The following SERINC1 variants were observed in gnomAD, a reference collection of about 807,000 sequenced individuals.
SERINC1 encodes tumor differentially expressed protein 2.
In SERINC1, 38 loss-of-function variants were observed where a neutral mutation model predicts 52.9. The observed-to-expected ratio is 0.72, with a 90% confidence interval of 0.55 to 0.94. The LOEUF (loss-of-function observed/expected upper bound fraction) is 0.94, where lower values mean the gene tolerates loss of function less well. Among genes scored for constraint, SERINC1 ranks in the 40% least tolerant of loss-of-function variants. SERINC1 has a pLI of 0.00. For missense variants in SERINC1, 471 were observed against 533.9 expected, an observed-to-expected ratio of 0.88 and a Z score of 1.16; for synonymous variants, 198 against 183.1, an observed-to-expected ratio of 1.08 and a Z score of -0.66.
chr6:122,465,073 A>G (rs944435003), intron 1 of SERINC1, among the ~76,000 whole-genome samples: 3 of 152,220 alleles, frequency 2.0e-5, no homozygotes, highest in Admixed American at 2.0e-4. Context: ...AAAGTCAAAA[A>G]GAACTAGATC....
intron 1 of SERINC1, among the ~76,000 whole-genome samples, chr6:122,471,106 T>C (rs1468524889): frequency 6.6e-6 from 1 of 151,314 alleles, no homozygotes; most frequent in Non-Finnish European, 1.5e-5. Context: ...AAATCTGAAA[T>C]TGACACTTCA....
intron 1 of SERINC1, among the ~76,000 whole-genome samples, chr6:122,468,472 G>C (rs558623595): frequency 6.6e-6 from 1 of 152,240 alleles, no homozygotes; most frequent in Non-Finnish European, 1.5e-5. Context: ...CACTGCTATG[G>C]AAACACCTCC....
In SERINC1 at chr6:122,451,776, A is replaced by AAAAAAAAAAAAATATAT; in HGVS notation, c.760-23_760-22insATATATTTTTTTTTTTT. On this transcript the variant is annotated intron_variant, in intron 6 of 9. Coordinates refer to ENST00000339697, the MANE Select transcript of SERINC1 (RefSeq NM_020755.4). ...ATTCCTACAAAAAAAAAAAAAAAAA[A>AAAAAAAAAAAAATATAT]ATATATATATATATATATAGCAACA... is the stretch of plus-strand genomic sequence containing the variant. 59 of 113,026 alleles carry AAAAAAAAAAAAATATAT rather than the reference A, an allele frequency of 5.2e-4. 4 individuals are homozygous for AAAAAAAAAAAAATATAT. Among genetic ancestry groups the AAAAAAAAAAAAATATAT allele is most frequent in the East Asian group, 1.7e-3 (5 of 2,972 alleles). The allele number at this position is 113,026 out of a possible 1,614,324, so 7.0% of individuals were successfully genotyped here.
chr6:122,452,270 T>C (rs1280513257), intron 5 of SERINC1, among the ~76,000 whole-genome samples: 1 of 152,200 alleles, frequency 6.6e-6, no homozygotes, highest in Non-Finnish European at 1.5e-5. Context: ...ATAGCTATTA[T>C]GTATTTGCAA....
chr6:122,467,931 CAAAT>C (rs1775214696), intron 1 of SERINC1, among the ~76,000 whole-genome samples: 1 of 151,944 alleles, frequency 6.6e-6, no homozygotes, highest in Non-Finnish European at 1.5e-5. Context: ...ATGTCTAAAA[CAAAT>C]AAACAAAATC....
Position 122,445,070 on chromosome 6 carries a change from C to A in SERINC1, c.1336G>T (p.Val446Phe), listed in dbSNP as rs1199778322. 1.2e-6 allele frequency: 2 copies of A among 1,613,436 alleles called. No individual in the cohort carries two copies. The highest frequency in any genetic ancestry group is 1.3e-5 in the African/African-American group (1 of 74,908). The change falls in exon 10 of 10, where the codon GTT becomes TTT. Residue 446 changes from valine to phenylalanine, a missense_variant. Val to Phe is a conservative substitution (Grantham distance 50). Transcript: ENST00000339697. Reference sequence around the variant, plus strand: ...CAGTCAAAATCACGATTTGTAAGAACAAGTGGTGCCACGAGTGTCCAAACA... The same window carrying A: ...CAGTCAAAATCACGATTTGTAAGAAAAAGTGGTGCCACGAGTGTCCAAACA... ...LYVWTLVAPLVLTNRDFD is the reference protein window; with the variant it reads ...LYVWTLVAPLFLTNRDFD
At chr6:122,461,357 AG>A (rs1375289022) in intron 1 of SERINC1, among the ~76,000 whole-genome samples, 1 of 152,188 alleles carries the variant, frequency 6.6e-6, no homozygotes, top group African/African-American at 2.4e-5. Flanking sequence ...TCACACTTCT[AG>A]TAAGAAACGG....
At position 122,446,934 on chromosome 6, in the gene SERINC1, C is replaced by T; in HGVS notation, c.1066G>A (p.Asp356Asn). Residue 356 changes from aspartate to asparagine, a missense_variant, in exon 9 of 10, where the codon GAT (aspartate) becomes AAT (asparagine). Asp to Asn is a conservative substitution (Grantham distance 23). Coordinates refer to ENST00000339697, the MANE Select transcript of SERINC1 (RefSeq NM_020755.4). ...GATCCATCACTTCTAGCTCCACCAT[C>T]TTCTATTAATGTAGATTCATCACTT... is the stretch of plus-strand genomic sequence containing the variant. ...LTSDESTLIEDGGARSDGSLE... is the reference protein window; with the variant it reads ...LTSDESTLIENGGARSDGSLE... 1 of 1,613,686 alleles carries T rather than the reference C, an allele frequency of 6.2e-7. No individual in the cohort carries two copies.
intron 1 of SERINC1, among the ~76,000 whole-genome samples, chr6:122,462,902 T>C (rs1163128866): frequency 1.3e-5 from 2 of 152,178 alleles, no homozygotes; most frequent in East Asian, 3.8e-4. Flanking sequence ...ATCAGGTCTT[T>C]CCAAACTTAT....
intron 1 of SERINC1, among the ~76,000 whole-genome samples, chr6:122,463,245 T>G (rs1170578890): frequency 6.6e-6 from 1 of 152,202 alleles, no homozygotes; most frequent in African/African-American, 2.4e-5. Context: ...TAATTGGATA[T>G]TCATACATTT....
chr6:122,449,005 A>G (rs1178030149), intron 7 of SERINC1, among the ~76,000 whole-genome samples: 1 of 152,100 alleles, frequency 6.6e-6, no homozygotes, highest in East Asian at 1.9e-4. Context: ...GTGACCTATT[A>G]TGTTACTATT....
chr6:122,456,716 T>A, intron 2 of SERINC1, 66 bp from the exon 3 acceptor site: 1 of 1,211,062 alleles, frequency 8.3e-7, no homozygotes, highest in Non-Finnish European at 1.1e-6. Context: ...AAATTACATG[T>A]AATCAAATAG....
At position 122,467,531 on chromosome 6, in the gene SERINC1, G is replaced by A. The variant is rs547133003; in HGVS notation, c.39+4168C>T. Reference sequence around the variant, plus strand: ...TGAGGCAAGCGAATCACTTGAACCCGGAAGGTTCAAAGTCGCAGTGAGCTG... The same window carrying A: ...TGAGGCAAGCGAATCACTTGAACCCAGAAGGTTCAAAGTCGCAGTGAGCTG... On this transcript the variant is annotated intron_variant, in intron 1 of 9. Transcript: ENST00000339697. Among the ~76,000 whole-genome samples, 24 of 152,182 alleles carry A rather than the reference G, an allele frequency of 1.6e-4. No individual in the cohort carries two copies. In the South Asian group the frequency reaches 2.5e-3, roughly 16 times the overall value.
chr6:122,445,058 G>A lies in SERINC1; in HGVS notation c.1348C>T (p.Arg450Cys), dbSNP rs1774763964. 1 of 1,612,860 alleles carries A rather than the reference G, an allele frequency of 6.2e-7. No individual in the cohort carries two copies. The highest frequency in any genetic ancestry group is 8.5e-7 in the Non-Finnish European group (1 of 1,179,612). Residue 450 changes from arginine to cysteine, a missense_variant, in exon 10 of 10, where the codon CGT becomes TGT. By Grantham distance (180) the Arg-to-Cys change is radical (BLOSUM62 -3). Transcript: ENST00000339697. Reference sequence around the variant, plus strand: ...AGAAGTCTCACTCAGTCAAAATCACGATTTGTAAGAACAAGTGGTGCCACG... The same window carrying A: ...AGAAGTCTCACTCAGTCAAAATCACAATTTGTAAGAACAAGTGGTGCCACG... ...TLVAPLVLTN[R>C]DFD
chr6:122,446,227 G>T (rs1315533862), intron 9 of SERINC1, among the ~76,000 whole-genome samples: 1 of 151,668 alleles, frequency 6.6e-6, no homozygotes, highest in Non-Finnish European at 1.5e-5. Flanking sequence ...AACAGAAAAA[G>T]ATTTATGGAT....
Position 122,444,202 on chromosome 6 carries a change from G to T in SERINC1, c.*842C>A, listed in dbSNP as rs1008212725. On this transcript the variant is annotated 3_prime_UTR_variant, in exon 10 of 10. Transcript: ENST00000339697. ...GGGTTTCACCATGTTGCCCAGGCTG[G>T]TCTTGAATTCCTGGGCTCAAGTAAT... 1.3e-5 allele frequency: 2 copies of T among 152,104 alleles called. No homozygotes were observed. The highest frequency in any genetic ancestry group is 1.3e-4 in the Admixed American group (2 of 15,246). The allele number at this position is 152,104 out of a possible 1,614,324, so 9.4% of individuals were successfully genotyped here.
intron 1 of SERINC1, among the ~76,000 whole-genome samples, chr6:122,469,168 G>A (rs1291864415): frequency 1.3e-5 from 2 of 152,038 alleles, no homozygotes; most frequent in Non-Finnish European, 2.9e-5. Context: ...TCCAATTTCT[G>A]CTCAGTGGTA....
chr6:122,467,006 C>G, intron 1 of SERINC1, among the ~76,000 whole-genome samples: 1 of 152,190 alleles, frequency 6.6e-6, no homozygotes. Context: ...GACTTCCAAT[C>G]TAGACTTCTA....
intron 1 of SERINC1, among the ~76,000 whole-genome samples, chr6:122,471,125 C>T (rs1775285870): frequency 6.6e-6 from 1 of 151,660 alleles, no homozygotes; most frequent in Non-Finnish European, 1.5e-5. Flanking sequence ...CAAACAGTTA[C>T]GGCAGAGCTA....
Sources: allele counts gnomAD v4.1 joint callset (sites outside exome capture counted in the v4.1 genomes callset), GRCh38; gene constraint gnomAD v4.1.1; transcripts MANE v1.5; gene names NCBI Gene and HGNC (gene_info 2026-07-23, HGNC 2026-07-21).